OSBPL1A: variants seen among roughly 807,000 people sequenced by gnomAD.
OSBPL1A encodes oxysterol-binding protein-related protein 1.
A neutral mutation model predicts 137.1 loss-of-function variants in OSBPL1A; 80 were observed. The observed-to-expected ratio is 0.58, with a 90% CI of 0.49 to 0.70. The LOEUF (loss-of-function observed/expected upper bound fraction) is 0.70, where lower values mean the gene tolerates loss of function less well. Among genes scored for constraint, OSBPL1A ranks in the 30% least tolerant of loss-of-function variants. The pLI is 0.00. For missense variants in OSBPL1A, 970 were observed against 1,129.4 expected (o/e 0.86, Z 2.02); for synonymous variants, 365 against 389.7 (o/e 0.94, Z 0.75).
At chr18:24,344,664 A>G (rs1438804170) in intron 4 of OSBPL1A, among the ~76,000 whole-genome samples, 1 of 152,200 alleles carries the variant, frequency 6.6e-6, no homozygotes, top group Non-Finnish European at 1.5e-5. Flanking sequence ...CCCAGCATGC[A>G]GCAGAGCAGA....
At chr18:24,359,962 T>C (rs868137798) in intron 4 of OSBPL1A, among the ~76,000 whole-genome samples, 1 of 152,000 alleles carries the variant, frequency 6.6e-6, no homozygotes, top group Non-Finnish European at 1.5e-5. Context: ...TGCATGATTT[T>C]TTTGTTTGTT....
intron 17 of OSBPL1A, among the ~76,000 whole-genome samples, chr18:24,207,369 C>CCA (rs1314423266): frequency 6.6e-6 from 1 of 152,222 alleles, no homozygotes; most frequent in African/African-American, 2.4e-5. Context: ...CAGGCGTAAG[C>CCA]CACTGCGCTC....
intron 18 of OSBPL1A, among the ~76,000 whole-genome samples, chr18:24,195,347 T>C (rs1347213279): frequency 6.6e-6 from 1 of 151,814 alleles, no homozygotes; most frequent in Non-Finnish European, 1.5e-5. Context: ...AAAAGAAAAA[T>C]GCCAAAGTGG....
intron 7 of OSBPL1A, among the ~76,000 whole-genome samples, chr18:24,324,455 TAAAAAAAAAAAAAA>T (rs145135815): frequency 7.7e-5 from 1 of 12,976 alleles, no homozygotes; most frequent in Non-Finnish European, 1.4e-4. Flanking sequence ...CTGAAAAAGT[TAAAAAAAAAAAAAA>T]AAAAAAAAAA....
chr18:24,231,934 T>C (rs1567962831), intron 16 of OSBPL1A, among the ~76,000 whole-genome samples: 1 of 152,168 alleles, frequency 6.6e-6, no homozygotes, highest in Non-Finnish European at 1.5e-5. Context: ...TGAGAACAAA[T>C]AGTACACAAA....
intron 16 of OSBPL1A, among the ~76,000 whole-genome samples, chr18:24,235,131 G>A (rs1396714587): frequency 6.6e-6 from 1 of 152,162 alleles, no homozygotes; most frequent in East Asian, 1.9e-4. Flanking sequence ...GTGAGGGAAT[G>A]CGATGATGTG....
At chr18:24,287,141 T>C (rs191260231) in intron 14 of OSBPL1A, among the ~76,000 whole-genome samples, 232 of 152,352 alleles carry the variant, frequency 1.5e-3, no homozygotes, top group Middle Eastern at 3.4e-3. Flanking sequence ...CAAAAGAGAA[T>C]GAAGTGAGGC....
chr18:24,172,501 A>G lies in OSBPL1A; in HGVS notation c.2094-18T>C. 6.5e-7 allele frequency: 1 copy of G among 1,549,378 alleles called. No individual in the cohort carries two copies. Among genetic ancestry groups the G allele is most frequent in the Non-Finnish European group, 8.9e-7 (1 of 1,122,440 alleles). Reference sequence around the variant, plus strand: ...CATTGTGTCTAAAAAACAAAACCAAACCCAGAAGCATAAGTGAGAGGTATC... The same window carrying G: ...CATTGTGTCTAAAAAACAAAACCAAGCCCAGAAGCATAAGTGAGAGGTATC... On this transcript the variant is annotated intron_variant, in intron 21 of 27. Transcript: ENST00000319481.
intron 15 of OSBPL1A, among the ~76,000 whole-genome samples, chr18:24,279,958 T>G (rs2089924414): frequency 6.6e-6 from 1 of 151,562 alleles, no homozygotes; most frequent in African/African-American, 2.4e-5. Context: ...TCTGGCTGAT[T>G]TTTTTTTGAG....
At chr18:24,253,851 G>T (rs1567978225) in intron 15 of OSBPL1A, among the ~76,000 whole-genome samples, 2 of 152,162 alleles carry the variant, frequency 1.3e-5, no homozygotes, top group Admixed American at 6.5e-5. Context: ...AATTTAGGGA[G>T]GTTCAGACTC....
intron 18 of OSBPL1A, among the ~76,000 whole-genome samples, chr18:24,191,847 G>A (rs2086899169): frequency 6.6e-6 from 1 of 152,136 alleles, no homozygotes; most frequent in South Asian, 2.1e-4. Context: ...AGTTAACTGA[G>A]TTATCCTATA....
intron 13 of OSBPL1A, among the ~76,000 whole-genome samples, chr18:24,310,998 C>T (rs2090611343): frequency 6.6e-6 from 1 of 152,126 alleles, no homozygotes; most frequent in African/African-American, 2.4e-5. Flanking sequence ...TTATGGTTCT[C>T]ACATACACAT....
chr18:24,271,521 C>A lies in OSBPL1A; in HGVS notation c.1281+9321G>T. ...AACTATTCTTGGATCTACTCACATC[C>A]CTGGATCAAGTCTGGCCGCCCTCCC... is the stretch of plus-strand genomic sequence containing the variant. On this transcript the variant is annotated intron_variant, in intron 15 of 27. Coordinates refer to ENST00000319481, the MANE Select transcript of OSBPL1A (RefSeq NM_080597.4). The surrounding 1 kb of genome is among the most constrained non-coding windows in gnomAD (Gnocchi z 4.0). The A allele has an allele frequency of 2.0e-6, 2 of 976,754 alleles. No homozygotes were observed. Among genetic ancestry groups the A allele is most frequent in the Non-Finnish European group, 1.2e-6 (1 of 821,996 alleles). The allele number at this position is 976,754 out of a possible 1,614,324, so 60.5% of individuals were successfully genotyped here.
intron 17 of OSBPL1A, 66 bp downstream of exon 17, chr18:24,224,972 ATTTC>A: frequency 6.3e-7 from 1 of 1,579,266 alleles, no homozygotes; most frequent in Non-Finnish European, 8.6e-7. Flanking sequence ...CAAGACATAT[ATTTC>A]TTTATGAATC....
At chr18:24,170,579 A>G in intron 23 of OSBPL1A, 126 bp from the exon 24 acceptor site, 1 of 963,600 alleles carries the variant, frequency 1.0e-6, no homozygotes, top group Non-Finnish European at 1.6e-6. Flanking sequence ...TTAGCTTCCA[A>G]GAGCAGATGA....
chr18:24,228,040 A>G (rs1257795979), intron 16 of OSBPL1A, among the ~76,000 whole-genome samples: 2 of 152,192 alleles, frequency 1.3e-5, no homozygotes, highest in African/African-American at 4.8e-5. Context: ...AAGAGCTTCT[A>G]TGAAGCAAAG....
At chr18:24,199,062 T>G (rs1046822553) in intron 17 of OSBPL1A, among the ~76,000 whole-genome samples, 3 of 151,994 alleles carry the variant, frequency 2.0e-5, no homozygotes, top group Non-Finnish European at 4.4e-5. Flanking sequence ...TTTCACCATG[T>G]TGGCCAGGCT....
At chr18:24,317,054 C>A in intron 11 of OSBPL1A, 95 bp downstream of exon 11, 5 of 1,295,704 alleles carry the variant, frequency 3.9e-6, no homozygotes, top group Non-Finnish European at 5.5e-6. Context: ...CCACAGAACC[C>A]CAAGATTTTA....
Position 24,225,098 on chromosome 18 carries a change from G to T in OSBPL1A, c.1545C>A (p.Ser515=). The part of the protein sequence containing the change: ...EHLGSRKHRM[S]EEKDCGGGDA... ...CTCCGCCACCACAGTCTTTTTCTTC[G>T]GACATTCTGTGTTTTCTACTGCCCA... Residue 515 remains serine (S), a synonymous_variant, in exon 17 of 28, where the codon TCC becomes TCA. Coordinates refer to ENST00000319481, the MANE Select transcript of OSBPL1A (RefSeq NM_080597.4). 1 of 1,614,082 alleles carries T rather than the reference G, an allele frequency of 6.2e-7. No individual in the cohort carries two copies. Among genetic ancestry groups the T allele is most frequent in the Admixed American group, 1.7e-5 (1 of 60,004 alleles).
Sources: gnomAD v4.1 joint callset for allele counts (sites outside exome capture counted in the v4.1 genomes callset) on GRCh38, gnomAD v4.1.1 for gene constraint, Gnocchi (gnomAD v3.1) non-coding constraint, MANE v1.5 for transcripts, NCBI Gene and HGNC (gene_info 2026-07-23, HGNC 2026-07-21) for gene names.